The following MAP3K4 variants were observed in gnomAD, a reference collection of about 807,000 sequenced individuals.
The protein encoded by MAP3K4 is MAP three kinase 1.
MAP3K4 carries 67 observed loss-of-function variants against 185.6 expected under a neutral mutation model. That is an observed-to-expected ratio of 0.36 (90% CI 0.30 to 0.44). The LOEUF (loss-of-function observed/expected upper bound fraction) is 0.44, where lower values mean the gene tolerates loss of function less well. MAP3K4 is among the 20% of genes least tolerant of loss of function. The pLI, the probability that MAP3K4 is intolerant of heterozygous loss-of-function variation, is 1.00. For synonymous variants in MAP3K4, 702 were observed against 710.4 expected (o/e 0.99, Z 0.19); for missense variants, 1,551 against 1,995.1 (o/e 0.78, Z 4.24).
chr6:161,098,267 T>G lies in MAP3K4; in HGVS notation c.3525-11T>G. On this transcript the variant is annotated splice_polypyrimidine_tract_variant and intron_variant, in intron 16 of 26. Coordinates refer to ENST00000392142, the MANE Select transcript of MAP3K4 (RefSeq NM_005922.4). The surrounding 1 kb of genome is among the most constrained non-coding windows in gnomAD (Gnocchi z 4.4). ...TCACATGTGTTCCTGAAGCTTTTCT[T>G]CTTGTCTTAGCACTCGGAGCATGCC... The G allele has an allele frequency of 3.1e-6, 5 of 1,609,112 alleles. No individual in the cohort carries two copies. Among genetic ancestry groups the G allele is most frequent in the Non-Finnish European group, 4.2e-6 (5 of 1,177,082 alleles).
In MAP3K4 at chr6:161,111,964, G is replaced by A; in HGVS notation, c.4519+6G>A. 6.2e-7 allele frequency: 1 copy of A among 1,613,650 alleles called. No individual in the cohort carries two copies. On this transcript the variant is annotated splice_donor_region_variant and intron_variant, in intron 24 of 26. Transcript: ENST00000392142. ...CAGCACCCTGGGGACAGCAGGTAGGGACCAGCCTGGTTGTTCTTTGCACTC... is the reference window on the plus strand; with the variant it reads ...CAGCACCCTGGGGACAGCAGGTAGGAACCAGCCTGGTTGTTCTTTGCACTC...
Position 161,098,347 on chromosome 6 carries a change from T to C in MAP3K4, c.3594T>C (p.Ala1198=), listed in dbSNP as rs1583230580. 8.1e-6 allele frequency: 13 copies of C among 1,612,988 alleles called. No individual in the cohort carries two copies. Among genetic ancestry groups the C allele is most frequent in the Non-Finnish European group, 1.1e-5 (13 of 1,179,768 alleles). ...SPAAAAAAAA[A]AVAASRPSPS... ...CTGCTGCTGCTGCTGCTGCTGCTGC[T>C]GCTGTTGCTGCCAGTCGGCCCAGCC... The change falls in exon 17 of 27, where the codon GCT becomes GCC. Residue 1198 remains alanine (A), a synonymous_variant. Coordinates refer to ENST00000392142, the MANE Select transcript of MAP3K4 (RefSeq NM_005922.4). This position sits in a 1 kb window ranked among gnomAD's most constrained non-coding sequence, Gnocchi z 4.4.
rs1784628308 is a variant in MAP3K4, at chr6:161,064,745, G to C, written c.1708-5863G>C. ...CATGGTCTTAATATAGAATCTCTAAGATGGAGAGCACCCTTTCAATGATTA... is the reference window on the plus strand; with the variant it reads ...CATGGTCTTAATATAGAATCTCTAACATGGAGAGCACCCTTTCAATGATTA... On this transcript the variant is annotated intron_variant, in intron 3 of 26. Coordinates refer to ENST00000392142, the MANE Select transcript of MAP3K4 (RefSeq NM_005922.4). This position sits in a 1 kb window ranked among gnomAD's most constrained non-coding sequence, Gnocchi z 4.3. Among the ~76,000 whole-genome samples, 1 of 152,166 alleles carries C rather than the reference G, an allele frequency of 6.6e-6. No homozygotes were observed. Among genetic ancestry groups the C allele is most frequent in the African/African-American group, 2.4e-5 (1 of 41,426 alleles).
intron 1 of MAP3K4, among the ~76,000 whole-genome samples, chr6:161,021,037 A>AT (rs1041185157): frequency 1.3e-5 from 2 of 152,158 alleles, no homozygotes; most frequent in Admixed American, 1.3e-4. Context: ...TTTTAGACTC[A>AT]TTTAAATTTT....
intron 10 of MAP3K4, 58 bp from the exon 11 acceptor site, chr6:161,089,264 A>G: frequency 6.4e-7 from 1 of 1,569,666 alleles, no homozygotes; most frequent in Non-Finnish European, 8.6e-7. Flanking sequence ...GTGTTGAACT[A>G]GAATAACAAC....
chr6:161,013,275 T>C (rs1304156623), intron 1 of MAP3K4, among the ~76,000 whole-genome samples: 1 of 152,216 alleles, frequency 6.6e-6, no homozygotes, highest in Non-Finnish European at 1.5e-5. Flanking sequence ...AAATTTGTTT[T>C]GTGAATTGTC....
chr6:161,031,312 G>A (rs184377303), intron 1 of MAP3K4, among the ~76,000 whole-genome samples: 1 of 152,162 alleles, frequency 6.6e-6, no homozygotes, highest in Non-Finnish European at 1.5e-5. Flanking sequence ...ATTTTTCCAT[G>A]TGTAGAGAAA....
In MAP3K4 at chr6:161,073,532, C is replaced by G; in HGVS notation, c.2017C>G (p.Leu673Val). Residue 673 changes from leucine (L) to valine (V), a missense_variant, in exon 5 of 27, where the codon CTG becomes GTG. Physicochemically the swap from Leu to Val is conservative, Grantham distance 32 (BLOSUM62 1). Coordinates refer to ENST00000392142, the MANE Select transcript of MAP3K4 (RefSeq NM_005922.4). The surrounding 1 kb of genome is among the most constrained non-coding windows in gnomAD (Gnocchi z 4.2). ...GATGAAGCAGTACTACCAGTTCATG[C>G]TGCAGGAGGTTCTGGAGGACTTGGA... ...LLMKQYYQFM[L>V]QEVLEDLEKP... The G allele has an allele frequency of 1.2e-6, 2 of 1,613,984 alleles. No individual in the cohort carries two copies. The highest frequency in any genetic ancestry group is 1.7e-6 in the Non-Finnish European group (2 of 1,179,938).
chr6:161,097,089 G>A lies in MAP3K4; in HGVS notation c.3437G>A (p.Arg1146Gln), dbSNP rs1287253432. 1 of 1,613,700 alleles carries A rather than the reference G, an allele frequency of 6.2e-7. No homozygotes were observed. Among genetic ancestry groups the A allele is most frequent in the Non-Finnish European group, 8.5e-7 (1 of 1,179,754 alleles). ...CCATTTTTGCTGGCAGCCATTCATC[G>A]GAACAGCCCCCGTCCTATGAAGGTA... ...PVTGLYLAIH[R>Q]NSPRPMKVPR... is the part of the protein sequence containing the mutation. The change falls in exon 16 of 27, where the codon CGG becomes CAG. Residue 1146 changes from arginine to glutamine, a missense_variant. By Grantham distance (43) the Arg-to-Gln change is conservative (BLOSUM62 1). This residue lies in a region of MAP3K4 where 272 missense variants were observed against 301.2 expected (regional missense o/e 0.90). Transcript: ENST00000392142. The surrounding 1 kb of genome is among the most constrained non-coding windows in gnomAD (Gnocchi z 4.9).
chr6:161,058,492 G>T (rs945611315), intron 3 of MAP3K4, among the ~76,000 whole-genome samples: 3 of 152,088 alleles, frequency 2.0e-5, no homozygotes, highest in Non-Finnish European at 4.4e-5. Flanking sequence ...TAATGTAAAG[G>T]CTATTTGTAT....
At position 161,098,379 on chromosome 6, in the gene MAP3K4, G is replaced by C. The variant is rs144235437; in HGVS notation, c.3626G>C (p.Gly1209Ala). Residue 1209 changes from glycine (G) to alanine (A), a missense_variant, in exon 17 of 27, where the codon GGT (glycine) becomes GCT (alanine). Physicochemically the swap from Gly to Ala is moderately conservative, Grantham distance 60. Coordinates refer to ENST00000392142, the MANE Select transcript of MAP3K4 (RefSeq NM_005922.4). The surrounding 1 kb of genome is among the most constrained non-coding windows in gnomAD (Gnocchi z 4.4). ...AVAASRPSPS[G>A]GDSVLPKSIS... ...GCTGCCAGTCGGCCCAGCCCCTCTGGTGGTGACTCTGTGCTGCCCAAATCC... is the reference window on the plus strand; with the variant it reads ...GCTGCCAGTCGGCCCAGCCCCTCTGCTGGTGACTCTGTGCTGCCCAAATCC... The C allele has an allele frequency of 1.2e-6, 2 of 1,613,812 alleles. No individual in the cohort carries two copies. Among genetic ancestry groups the C allele is most frequent in the African/African-American group, 2.7e-5 (2 of 74,912 alleles).
chr6:161,015,761 T>G (rs1245803879), intron 1 of MAP3K4, among the ~76,000 whole-genome samples: 3 of 152,100 alleles, frequency 2.0e-5, no homozygotes, highest in Non-Finnish European at 4.4e-5. Flanking sequence ...CTAGCACTCA[T>G]AGAGAGAATT....
At position 161,082,798 on chromosome 6, in the gene MAP3K4, A is replaced by T. The variant is rs984513451; in HGVS notation, c.2256-1703A>T. Among the ~76,000 whole-genome samples, 5 of 152,162 alleles carry T rather than the reference A, an allele frequency of 3.3e-5. No homozygotes were observed. The highest frequency in any genetic ancestry group is 1.2e-4 in the African/African-American group (5 of 41,438). On this transcript the variant is annotated intron_variant, in intron 6 of 26. Coordinates refer to ENST00000392142, the MANE Select transcript of MAP3K4 (RefSeq NM_005922.4). The surrounding 1 kb of genome is among the most constrained non-coding windows in gnomAD (Gnocchi z 4.2). ...TGTCATTTCTCACGTATGTTATTGC[A>T]GTAGCTCTCTAAACAGTCTCCCTAC...
chr6:161,095,277 C>T lies in MAP3K4; in HGVS notation c.3427+1426C>T, dbSNP rs530224943. On this transcript the variant is annotated intron_variant, in intron 15 of 26. Transcript: ENST00000392142. ...GCTCATTTAACATCATTGAGCCTCTCTTTTTAATGAATGAAACTGGATGCT... is the reference window on the plus strand; with the variant it reads ...GCTCATTTAACATCATTGAGCCTCTTTTTTTAATGAATGAAACTGGATGCT... 7.9e-5 allele frequency among the ~76,000 whole-genome samples: 12 copies of T among 152,240 alleles called. No homozygotes were observed. The South Asian group carries it at 2.3e-3, about 29-fold the overall frequency.
At position 161,087,698 on chromosome 6, in the gene MAP3K4, C is replaced by T; in HGVS notation, c.2567C>T (p.Pro856Leu). 1.2e-6 allele frequency: 2 copies of T among 1,614,006 alleles called. No individual in the cohort carries two copies. Among genetic ancestry groups the T allele is most frequent in the Non-Finnish European group, 1.7e-6 (2 of 1,180,008 alleles). The change falls in exon 10 of 27, where the codon CCT (proline) becomes CTT (leucine). Residue 856 changes from proline to leucine, a missense_variant. Pro to Leu is a moderately conservative substitution (Grantham distance 98, BLOSUM62 -3). This residue lies in a region of MAP3K4 where 261 missense variants were observed against 306.5 expected (regional missense o/e 0.85). Coordinates refer to ENST00000392142, the MANE Select transcript of MAP3K4 (RefSeq NM_005922.4). The surrounding 1 kb of genome is among the most constrained non-coding windows in gnomAD (Gnocchi z 4.9). ...TTATGTCTTTTGCAGGTGCAAATTC[C>T]TGGGTTAGAAAACTTGCAAATGTTT... ...KSKQYVKVQI[P>L]GLENLQMFVP...
At position 161,063,557 on chromosome 6, in the gene MAP3K4, GTTC is replaced by G. The variant is rs773283222; in HGVS notation, c.1708-7044_1708-7042del. On this transcript the variant is annotated intron_variant, in intron 3 of 26. Transcript: ENST00000392142. The surrounding 1 kb of genome is among the most constrained non-coding windows in gnomAD (Gnocchi z 5.4). ...TGTTATTGTTTGAGGTCTGTGGACT[GTTC>G]TTCTTCCCATGTTCTCGATCTCCTC... is the stretch of plus-strand genomic sequence containing the variant. Among the ~76,000 whole-genome samples, 4 of 152,142 alleles carry G rather than the reference GTTC, an allele frequency of 2.6e-5. No homozygotes were observed. The highest frequency in any genetic ancestry group is 5.9e-5 in the Non-Finnish European group (4 of 68,026).
At position 161,082,795 on chromosome 6, in the gene MAP3K4, T is replaced by G. The variant is rs975709185; in HGVS notation, c.2256-1706T>G. Among the ~76,000 whole-genome samples the G allele has an allele frequency of 6.6e-6, 1 of 152,182 alleles. No individual in the cohort carries two copies. Among genetic ancestry groups the G allele is most frequent in the African/African-American group, 2.4e-5 (1 of 41,444 alleles). ...GGTTGTCATTTCTCACGTATGTTAT[T>G]GCAGTAGCTCTCTAAACAGTCTCCC... On this transcript the variant is annotated intron_variant, in intron 6 of 26. Transcript: ENST00000392142. The surrounding 1 kb of genome is among the most constrained non-coding windows in gnomAD (Gnocchi z 4.2).
Position 161,049,754 on chromosome 6 carries a change from T to G in MAP3K4, c.1482T>G (p.Leu494=). ...IQSRDCISKK[L]ERLESEDDSL... is the part of the protein sequence containing the mutation. ...CGCGGGACTGCATATCCAAGAAGCT[T>G]GAGAGGCTCGAATCTGAGGATGATT... The change falls in exon 3 of 27, where the codon CTT becomes CTG. Residue 494 remains leucine (L), a synonymous_variant. Coordinates refer to ENST00000392142, the MANE Select transcript of MAP3K4 (RefSeq NM_005922.4). This position sits in a 1 kb window ranked among gnomAD's most constrained non-coding sequence, Gnocchi z 8.4. The G allele has an allele frequency of 6.2e-7, 1 of 1,614,034 alleles. No individual in the cohort carries two copies. The highest frequency in any genetic ancestry group is 8.5e-7 in the Non-Finnish European group (1 of 1,179,996).
chr6:161,092,969 G>A lies in MAP3K4; in HGVS notation c.3270-9G>A, dbSNP rs755490692. 6.9e-6 allele frequency: 11 copies of A among 1,600,808 alleles called. No homozygotes were observed. Among genetic ancestry groups the A allele is most frequent in the South Asian group, 1.1e-5 (1 of 90,586 alleles). On this transcript the variant is annotated splice_polypyrimidine_tract_variant and intron_variant, in intron 13 of 26. Coordinates refer to ENST00000392142, the MANE Select transcript of MAP3K4 (RefSeq NM_005922.4). Reference sequence around the variant, plus strand: ...TGTTATGTGATTACTGAACTTTTTCGTGTACCAGGTGGGCGACTCAAGGAT... The same window carrying A: ...TGTTATGTGATTACTGAACTTTTTCATGTACCAGGTGGGCGACTCAAGGAT...
Sources: allele counts gnomAD v4.1 joint callset (sites outside exome capture counted in the v4.1 genomes callset), GRCh38; gene constraint gnomAD v4.1.1; regional missense constraint gnomAD v4.1.1; non-coding constraint Gnocchi (gnomAD v3.1); transcripts MANE v1.5; gene names NCBI Gene and HGNC (gene_info 2026-07-23, HGNC 2026-07-21).